The following SMG8 variants were observed in gnomAD, a reference collection of about 807,000 sequenced individuals.
SMG8 encodes the protein nonsense-mediated mRNA decay factor SMG8.
SMG8 carries 49 observed loss-of-function variants against 82.1 expected under a neutral mutation model. The ratio of observed to expected loss-of-function variants is 0.60; its 90% CI spans 0.47 to 0.76. SMG8 has a LOEUF of 0.76. Among genes scored for constraint, SMG8 ranks in the 30% least tolerant of loss-of-function variants. The probability of loss-of-function intolerance (pLI) is 0.00; values close to 1 mark genes in which losing one functional copy is unlikely to be tolerated. For missense variants in SMG8, 969 were observed against 1,166.4 expected (o/e 0.83, Z 2.46); for synonymous variants, 404 against 430.0 (o/e 0.94, Z 0.75).
rs747096184 is a variant in SMG8, at chr17:59,213,221, A to G, written c.2398A>G (p.Ile800Val). The change falls in exon 3 of 4, where the codon ATT becomes GTT. Residue 800 changes from isoleucine (I) to valine (V), a missense_variant. Physicochemically the swap from Ile to Val is conservative, Grantham distance 29. Coordinates refer to ENST00000300917, the MANE Select transcript of SMG8 (RefSeq NM_018149.7). ...AACAAATTATCTTATGCCTTGGGAC[A>G]TTGTCATCAGGACTAGAGCTGAAGA... is the stretch of plus-strand genomic sequence containing the variant. ...PGTNYLMPWD[I>V]VIRTRAEDEG... is the part of the protein sequence containing the mutation. The G allele has an allele frequency of 6.2e-7, 1 of 1,614,096 alleles. No homozygotes were observed. The highest frequency in any genetic ancestry group is 8.5e-7 in the Non-Finnish European group (1 of 1,180,056).
Position 59,210,866 on chromosome 17 carries a change from A to G in SMG8, c.815A>G (p.Asn272Ser), listed in dbSNP as rs548055635. ...PPRLLFLFQL[N>S]GALKVEPPRN... is the part of the protein sequence containing the mutation. ...AGACTCCTTTTCCTCTTTCAACTCA[A>G]TGGAGCCCTCAAGGTAGAACCTCCT... The change falls in exon 1 of 4, where the codon AAT becomes AGT. Residue 272 changes from asparagine to serine, a missense_variant. Physicochemically the swap from Asn to Ser is conservative, Grantham distance 46. Coordinates refer to ENST00000300917, the MANE Select transcript of SMG8 (RefSeq NM_018149.7). 38 of 1,614,106 alleles carry G rather than the reference A, an allele frequency of 2.4e-5. No individual in the cohort carries two copies. The South Asian group carries it at 2.6e-4, about 11-fold the overall frequency.
At position 59,212,322 on chromosome 17, in the gene SMG8, T is replaced by C. The variant is rs567624025; in HGVS notation, c.1760-19T>C. ...CACATTGTGTTTATGAAATTAATAG[T>C]GGCTGTTATATTTTCCAGGAGAAAA... is the stretch of plus-strand genomic sequence containing the variant. On this transcript the variant is annotated intron_variant, in intron 1 of 3. Coordinates refer to ENST00000300917, the MANE Select transcript of SMG8 (RefSeq NM_018149.7). The C allele has an allele frequency of 1.3e-6, 2 of 1,546,834 alleles. No individual in the cohort carries two copies. Among genetic ancestry groups the C allele is most frequent in the Non-Finnish European group, 1.8e-6 (2 of 1,136,124 alleles).
chr17:59,213,518 G>A lies in SMG8; in HGVS notation c.2695G>A (p.Gly899Arg). 6.2e-7 allele frequency: 1 copy of A among 1,614,178 alleles called. No homozygotes were observed. Among genetic ancestry groups the A allele is most frequent in the South Asian group, 1.1e-5 (1 of 91,086 alleles). Residue 899 changes from glycine to arginine, a missense_variant, in exon 3 of 4, where the codon GGG becomes AGG. Around this residue, in one of 3 missense-constraint regions of SMG8, gnomAD observed 101 missense variants for 91.1 expected, o/e 1.11. Transcript: ENST00000300917. The stretch of plus-strand genomic sequence containing the variant: ...TATTCTGTCATCCTCTCAAGGTAGA[G>A]GGCTGAAACCTCATTATGCTCAACT... ...LYILSSSQGR[G>R]LKPHYAQLMR...
chr17:59,213,293 A>C lies in SMG8; in HGVS notation c.2470A>C (p.Ile824Leu), dbSNP rs760245032. ...TNSWPAPNKA[I>L]PGKRSAVVMG... Reference sequence around the variant, plus strand: ...CTCTTGGCCTGCTCCAAATAAAGCTATTCCTGGAAAGAGAAGTGCGGTTGT... The same window carrying C: ...CTCTTGGCCTGCTCCAAATAAAGCTCTTCCTGGAAAGAGAAGTGCGGTTGT... Residue 824 changes from isoleucine to leucine, a missense_variant, in exon 3 of 4, where the codon ATT (isoleucine) becomes CTT (leucine). Transcript: ENST00000300917. The C allele has an allele frequency of 5.0e-6, 8 of 1,614,248 alleles. No individual in the cohort carries two copies. The South Asian group carries it at 8.8e-5, about 18-fold the overall frequency.
chr17:59,210,838 C>A lies in SMG8; in HGVS notation c.787C>A (p.Pro263Thr). The change falls in exon 1 of 4, where the codon CCT (proline) becomes ACT (threonine). Residue 263 changes from proline to threonine, a missense_variant. Pro to Thr is a conservative substitution (Grantham distance 38). This residue lies in a region of SMG8 where 662 missense variants were observed against 884.8 expected (regional missense o/e 0.75). Coordinates refer to ENST00000300917, the MANE Select transcript of SMG8 (RefSeq NM_018149.7). ...GAAGCTAAACTGCCGACCTTGCCCACCTAGACTCCTTTTCCTCTTTCAACT... is the reference window on the plus strand; with the variant it reads ...GAAGCTAAACTGCCGACCTTGCCCAACTAGACTCCTTTTCCTCTTTCAACT... Reference protein sequence around the residue: ...DWKLNCRPCPPRLLFLFQLNG... With the variant: ...DWKLNCRPCPTRLLFLFQLNG... 5 of 1,614,202 alleles carry A rather than the reference C, an allele frequency of 3.1e-6. No homozygotes were observed. The highest frequency in any genetic ancestry group is 4.2e-6 in the Non-Finnish European group (5 of 1,180,040).
In SMG8 at chr17:59,211,136, A is replaced by G; in HGVS notation, c.1085A>G (p.Lys362Arg). The change falls in exon 1 of 4, where the codon AAG becomes AGG. Residue 362 changes from lysine (K) to arginine (R), a missense_variant. This residue lies in a region of SMG8 where 662 missense variants were observed against 884.8 expected (regional missense o/e 0.75). Transcript: ENST00000300917. ...LDQLRSHCTV[K>R]DPESLLVPAP... ...CAACTTAGGAGTCATTGTACTGTGA[A>G]GGACCCGGAATCTTTGCTGGTGCCT... 6.2e-7 allele frequency: 1 copy of G among 1,614,204 alleles called. No homozygotes were observed. Among genetic ancestry groups the G allele is most frequent in the Non-Finnish European group, 8.5e-7 (1 of 1,180,026 alleles).
chr17:59,213,222 T>C lies in SMG8; in HGVS notation c.2399T>C (p.Ile800Thr), dbSNP rs1033274948. ...ACAAATTATCTTATGCCTTGGGACA[T>C]TGTCATCAGGACTAGAGCTGAAGAT... is the stretch of plus-strand genomic sequence containing the variant. The part of the protein sequence containing the change: ...PGTNYLMPWD[I>T]VIRTRAEDEG... Residue 800 changes from isoleucine to threonine, a missense_variant, in exon 3 of 4, where the codon ATT (isoleucine) becomes ACT (threonine). Around this residue, in one of 3 missense-constraint regions of SMG8, gnomAD observed 662 missense variants for 884.8 expected, o/e 0.75. Coordinates refer to ENST00000300917, the MANE Select transcript of SMG8 (RefSeq NM_018149.7). The C allele has an allele frequency of 5.6e-6, 9 of 1,614,188 alleles. No individual in the cohort carries two copies. The East Asian group carries it at 1.8e-4, about 32-fold the overall frequency.
At position 59,213,032 on chromosome 17, in the gene SMG8, G is replaced by A. The variant is rs549130197; in HGVS notation, c.2209G>A (p.Val737Ile). 83 of 1,614,150 alleles carry A rather than the reference G, an allele frequency of 5.1e-5. No homozygotes were observed. The East Asian group carries it at 1.2e-3, about 24-fold the overall frequency. ...GAAAACTGAGAAGAGGCCAAACTTCGTTGATCGACAGGCATCCACAGTTGA... is the reference window on the plus strand; with the variant it reads ...GAAAACTGAGAAGAGGCCAAACTTCATTGATCGACAGGCATCCACAGTTGA... ...EVKTEKRPNF[V>I]DRQASTVEYL... Residue 737 changes from valine to isoleucine, a missense_variant, in exon 3 of 4, where the codon GTT (valine) becomes ATT (isoleucine). Coordinates refer to ENST00000300917, the MANE Select transcript of SMG8 (RefSeq NM_018149.7).
At position 59,212,537 on chromosome 17, in the gene SMG8, T is replaced by C. The variant is rs2046950350; in HGVS notation, c.1905+51T>C. The C allele has an allele frequency of 1.9e-6, 3 of 1,569,950 alleles. No homozygotes were observed. In the African/African-American group the frequency reaches 4.1e-5, roughly 21 times the overall value. On this transcript the variant is annotated intron_variant, in intron 2 of 3. Transcript: ENST00000300917. ...CTCTTCTGTCTTTTTTTGTTAAATATCATCTGAGTAAAAACATATTTTCAA... is the reference window on the plus strand; with the variant it reads ...CTCTTCTGTCTTTTTTTGTTAAATACCATCTGAGTAAAAACATATTTTCAA...
chr17:59,213,252 G>T lies in SMG8; in HGVS notation c.2429G>T (p.Gly810Val), dbSNP rs942066522. 4.3e-6 allele frequency: 7 copies of T among 1,614,058 alleles called. No homozygotes were observed. The Admixed American group carries it at 8.3e-5, about 19-fold the overall frequency. The change falls in exon 3 of 4, where the codon GGA (glycine) becomes GTA (valine). Residue 810 changes from glycine to valine, a missense_variant. Gly to Val is a moderately radical substitution (Grantham distance 109). Coordinates refer to ENST00000300917, the MANE Select transcript of SMG8 (RefSeq NM_018149.7). ...IVIRTRAEDEGDLDTNSWPAP... is the reference protein window; with the variant it reads ...IVIRTRAEDEVDLDTNSWPAP... ...ATCAGGACTAGAGCTGAAGATGAAG[G>T]AGACTTAGACACAAACTCTTGGCCT... is the stretch of plus-strand genomic sequence containing the variant.
chr17:59,213,522 T>C lies in SMG8; in HGVS notation c.2699T>C (p.Leu900Pro). 1 of 1,614,222 alleles carries C rather than the reference T, an allele frequency of 6.2e-7. No individual in the cohort carries two copies. Among genetic ancestry groups the C allele is most frequent in the Non-Finnish European group, 8.5e-7 (1 of 1,180,034 alleles). The change falls in exon 3 of 4, where the codon CTG becomes CCG. Residue 900 changes from leucine (L) to proline (P), a missense_variant. Coordinates refer to ENST00000300917, the MANE Select transcript of SMG8 (RefSeq NM_018149.7). ...YILSSSQGRGLKPHYAQLMRL... is the reference protein window; with the variant it reads ...YILSSSQGRGPKPHYAQLMRL... ...CTGTCATCCTCTCAAGGTAGAGGGC[T>C]GAAACCTCATTATGCTCAACTTATG...
In SMG8 at chr17:59,211,107, G is replaced by A; in HGVS notation, c.1056G>A (p.Leu352=). The change falls in exon 1 of 4, where the codon CTG becomes CTA. Residue 352 remains leucine (L), a synonymous_variant. Coordinates refer to ENST00000300917, the MANE Select transcript of SMG8 (RefSeq NM_018149.7). The stretch of plus-strand genomic sequence containing the variant: ...AGGAGGACCCAGTAGGTATGTTGCT[G>A]GACCAACTTAGGAGTCATTGTACTG... ...SQEEDPVGML[L]DQLRSHCTVK... 6.2e-7 allele frequency: 1 copy of A among 1,614,176 alleles called. No homozygotes were observed. Among genetic ancestry groups the A allele is most frequent in the Non-Finnish European group, 8.5e-7 (1 of 1,180,030 alleles).
intron 2 of SMG8, 119 bp downstream of exon 2, chr17:59,212,605 T>C: frequency 1.4e-6 from 2 of 1,464,100 alleles, no homozygotes; most frequent in East Asian, 2.3e-5. Flanking sequence ...CAGTATAATA[T>C]ATAAACAGGA....
Position 59,211,520 on chromosome 17 carries a change from A to G in SMG8, c.1469A>G (p.Asp490Gly). 6.2e-7 allele frequency: 1 copy of G among 1,613,942 alleles called. No homozygotes were observed. Among genetic ancestry groups the G allele is most frequent in the Non-Finnish European group, 8.5e-7 (1 of 1,180,004 alleles). ...SSIKVLEGFL[D>G]IDTKFSENRC... ...ATTAAAGTCTTGGAAGGATTTTTGG[A>G]TATTGACACAAAATTCTCAGAAAAC... Residue 490 changes from aspartate to glycine, a missense_variant, in exon 1 of 4, where the codon GAT (aspartate) becomes GGT (glycine). By Grantham distance (94) the Asp-to-Gly change is moderately conservative. This residue lies in a region of SMG8 where 662 missense variants were observed against 884.8 expected (regional missense o/e 0.75). Coordinates refer to ENST00000300917, the MANE Select transcript of SMG8 (RefSeq NM_018149.7).
chr17:59,213,707 C>CG, intron 3 of SMG8, 106 bp downstream of exon 3: 1 of 1,408,228 alleles, frequency 7.1e-7, no homozygotes, highest in Non-Finnish European at 9.5e-7. Context: ...TTATTTCAGG[C>CG]TGAGGGCAGT....
chr17:59,213,763 G>A (rs567160533), intron 3 of SMG8, among the ~76,000 whole-genome samples, 162 bp downstream of exon 3: 46 of 152,220 alleles, frequency 3.0e-4, no homozygotes, highest in Middle Eastern at 6.8e-3. Context: ...AAGGTGGGAG[G>A]ATTGCTTGAG....
rs1180195109 is a variant in SMG8 at position 59,212,450 on chromosome 17, C to G, written c.1869C>G (p.Pro623=). Residue 623 remains proline (P), a synonymous_variant, in exon 2 of 4, where the codon CCC becomes CCG. Coordinates refer to ENST00000300917, the MANE Select transcript of SMG8 (RefSeq NM_018149.7). ...CGRKQAPRDD[P]FDIKAANYDF... is the part of the protein sequence containing the mutation. ...GGAAACAAGCACCTCGAGATGATCCCTTTGATATCAAAGCAGCCAATTATG... is the reference window on the plus strand; with the variant it reads ...GGAAACAAGCACCTCGAGATGATCCGTTTGATATCAAAGCAGCCAATTATG... 6.2e-7 allele frequency: 1 copy of G among 1,608,448 alleles called. No individual in the cohort carries two copies. Among genetic ancestry groups the G allele is most frequent in the Non-Finnish European group, 8.5e-7 (1 of 1,175,686 alleles).
rs747023466 is a variant in SMG8, at chr17:59,210,078, CCTT to C, written c.30_32del (p.Leu11del). The C allele has an allele frequency of 5.7e-6, 9 of 1,572,094 alleles. No homozygotes were observed. In the Admixed American group the frequency reaches 7.7e-5, roughly 13 times the overall value. On this transcript the variant is annotated inframe_deletion, in exon 1 of 4. Coordinates refer to ENST00000300917, the MANE Select transcript of SMG8 (RefSeq NM_018149.7). ...TGGCTGGTCCCGTGAGCTTGCGAGA[CCTT>C]CTAATGGGAGCATCAGCCTGGATGG...
Position 59,211,547 on chromosome 17 carries a change from G to T in SMG8, c.1496G>T (p.Arg499Leu). The T allele has an allele frequency of 6.2e-7, 1 of 1,613,988 alleles. No individual in the cohort carries two copies. Among genetic ancestry groups the T allele is most frequent in the South Asian group, 1.1e-5 (1 of 91,048 alleles). The change falls in exon 1 of 4, where the codon CGA becomes CTA. Residue 499 changes from arginine (R) to leucine (L), a missense_variant. By Grantham distance (102) the Arg-to-Leu change is moderately radical (BLOSUM62 -2). Around this residue, in one of 3 missense-constraint regions of SMG8, gnomAD observed 662 missense variants for 884.8 expected, o/e 0.75. Coordinates refer to ENST00000300917, the MANE Select transcript of SMG8 (RefSeq NM_018149.7). ...LDIDTKFSENRCQKALPMAHS... is the reference protein window; with the variant it reads ...LDIDTKFSENLCQKALPMAHS... Reference sequence around the variant, plus strand: ...ATTGACACAAAATTCTCAGAAAACCGATGCCAAAAAGCTTTACCCATGGCC... The same window carrying T: ...ATTGACACAAAATTCTCAGAAAACCTATGCCAAAAAGCTTTACCCATGGCC...
Sources: allele counts gnomAD v4.1 joint callset (sites outside exome capture counted in the v4.1 genomes callset), GRCh38; gene constraint gnomAD v4.1.1; regional missense constraint gnomAD v4.1.1; transcripts MANE v1.5; gene names NCBI Gene and HGNC (gene_info 2026-07-23, HGNC 2026-07-21).